Variants in UBAP2 observed in about 807,000 individuals in gnomAD.
UBAP2 encodes the protein ubiquitin-associated protein 2.
In UBAP2, 75 loss-of-function variants were observed where a neutral mutation model predicts 139.6. The ratio of observed to expected loss-of-function variants is 0.54; its 90% CI spans 0.45 to 0.65. The LOEUF (loss-of-function observed/expected upper bound fraction) is 0.65. Ranked by LOEUF, UBAP2 falls within the 30% of genes least tolerant of loss-of-function variation. UBAP2 has a pLI of 0.00. For synonymous variants in UBAP2, 526 were observed against 526.2 expected (o/e 1.00, Z 0.01); for missense variants, 1,368 against 1,369.6 (o/e 1.00, Z 0.02).
intron 1 of UBAP2, among the ~76,000 whole-genome samples, chr9:34,039,819 G>A: frequency 1.1e-5 from 1 of 89,030 alleles, no homozygotes; most frequent in East Asian, 4.1e-4. Context: ...CCCTCTGCGA[G>A]AAACACCCAA....
intron 17 of UBAP2, chr9:33,935,200 A>G (rs2130896531): frequency 6.8e-6 from 1 of 146,694 alleles, no homozygotes; most frequent in East Asian, 2.0e-4. Flanking sequence ...AAATGTCCAC[A>G]GTGAACATTT....
intron 12 of UBAP2, among the ~76,000 whole-genome samples, chr9:33,950,477 G>A (rs745871995): frequency 1.1e-4 from 17 of 152,234 alleles, no homozygotes; most frequent in Non-Finnish European, 2.1e-4. Flanking sequence ...GACAAGGAAT[G>A]TCCCACTTGG....
In UBAP2 at chr9:34,017,029, AAG is replaced by A; in HGVS notation, c.99+19_99+20del. On this transcript the variant is annotated intron_variant, in intron 2 of 28. Coordinates refer to ENST00000379238, the MANE Select transcript of UBAP2 (RefSeq NM_001370062.2). ...AAAGAAAAAAAAGGAAAAAAAAAAA[AAG>A]AGTTCCACAAAAACTTACCTGTACC... The A allele has an allele frequency of 1.3e-6, 2 of 1,548,522 alleles. No homozygotes were observed. The highest frequency in any genetic ancestry group is 1.4e-5 in the African/African-American group (1 of 71,620).
intron 1 of UBAP2, among the ~76,000 whole-genome samples, chr9:34,036,011 T>C (rs563561064): frequency 5.6e-4 from 85 of 152,030 alleles, no homozygotes; most frequent in Middle Eastern, 3.4e-3. Context: ...TCAAACAAAA[T>C]AGAACAAAGC....
intron 2 of UBAP2, among the ~76,000 whole-genome samples, chr9:34,002,079 C>G (rs1050635791): frequency 2.5e-4 from 38 of 152,184 alleles, no homozygotes; most frequent in Middle Eastern, 3.4e-3. Flanking sequence ...ACCTCAGCCT[C>G]CTGAGTAGCA....
chr9:34,003,783 C>T (rs1237948335), intron 2 of UBAP2, among the ~76,000 whole-genome samples: 2 of 151,646 alleles, frequency 1.3e-5, no homozygotes, highest in Non-Finnish European at 2.9e-5. Context: ...TGCAGTGGTG[C>T]GATCTTGGCT....
chr9:33,986,806 A>C lies in UBAP2; in HGVS notation c.474T>G (p.Asn158Lys). The C allele has an allele frequency of 6.2e-7, 1 of 1,614,132 alleles. No individual in the cohort carries two copies. The highest frequency in any genetic ancestry group is 8.5e-7 in the Non-Finnish European group (1 of 1,180,020). ...FRGEENGIDCNQVDKPSDRGK... is the reference protein window; with the variant it reads ...FRGEENGIDCKQVDKPSDRGK... ...CACGATCTGAAGGTTTGTCCACTTG[A>C]TTGCAATCAATTCCATTTTCTTCAC... is the stretch of plus-strand genomic sequence containing the variant. Residue 158 changes from asparagine to lysine, a missense_variant, in exon 6 of 29, where the codon AAT (asparagine) becomes AAG (lysine). Transcript: ENST00000379238.
intron 9 of UBAP2, 146 bp from the exon 10 acceptor site, chr9:33,961,024 T>G (rs1032233968): frequency 1.4e-6 from 1 of 711,918 alleles, no homozygotes; most frequent in Non-Finnish European, 2.4e-6. Context: ...AAACATGACG[T>G]TCTTAATCTA....
intron 8 of UBAP2, 27 bp from the exon 9 acceptor site, chr9:33,963,818 T>TAA: frequency 6.5e-7 from 1 of 1,539,344 alleles, no homozygotes; most frequent in Non-Finnish European, 9.0e-7. Context: ...AATTGAGGGT[T>TAA]TAAACATATG....
chr9:34,046,810 A>C (rs7019833), intron 1 of UBAP2, among the ~76,000 whole-genome samples: 103,525 of 152,012 alleles, frequency 0.68, 35,886 homozygotes, highest in East Asian at 0.82. Context: ...CTATTAGTCT[A>C]CATGTTCTCA....
intron 1 of UBAP2, among the ~76,000 whole-genome samples, chr9:34,018,780 G>A (rs933693653): frequency 1.6e-4 from 24 of 151,962 alleles, no homozygotes; most frequent in African/African-American, 4.4e-4. Flanking sequence ...GGAGAATGGC[G>A]TGAACCCGGG....
At chr9:34,026,625 T>A (rs1176372713) in intron 1 of UBAP2, among the ~76,000 whole-genome samples, 1 of 152,160 alleles carries the variant, frequency 6.6e-6, no homozygotes, top group East Asian at 1.9e-4. Context: ...ATGACAATAC[T>A]AGCAGAAAGC....
Position 33,922,610 on chromosome 9 carries a change from G to C in UBAP2, c.3265-11C>G. 1.2e-6 allele frequency: 2 copies of C among 1,611,368 alleles called. No homozygotes were observed. The highest frequency in any genetic ancestry group is 1.7e-6 in the Non-Finnish European group (2 of 1,178,462). On this transcript the variant is annotated splice_polypyrimidine_tract_variant and intron_variant, in intron 28 of 28. Transcript: ENST00000379238. ...CTGACCCGAGCCACTCTGAGGAAGAGGAGAAGGGAAGGCTGTCAAGGCTGG... is the reference window on the plus strand; with the variant it reads ...CTGACCCGAGCCACTCTGAGGAAGACGAGAAGGGAAGGCTGTCAAGGCTGG...
intron 13 of UBAP2, among the ~76,000 whole-genome samples, chr9:33,945,267 G>C (rs1267873527): frequency 6.6e-6 from 1 of 152,150 alleles, no homozygotes; most frequent in Non-Finnish European, 1.5e-5. Context: ...GGGAGGCCGA[G>C]GCAGGCAGAT....
intron 1 of UBAP2, among the ~76,000 whole-genome samples, chr9:34,036,982 ATTTTTTTTTT>A (rs141751803): frequency 7.0e-5 from 4 of 57,432 alleles, no homozygotes; most frequent in South Asian, 6.5e-4. Flanking sequence ...ACACCCAGCT[ATTTTTTTTTT>A]TTTTTTTTTT....
At chr9:33,944,808 C>A (rs1825530226) in intron 13 of UBAP2, among the ~76,000 whole-genome samples, 169 bp from the exon 14 acceptor site, 1 of 152,088 alleles carries the variant, frequency 6.6e-6, no homozygotes, top group Non-Finnish European at 1.5e-5. Context: ...GGGAAAAGTT[C>A]CTAAATGGGT....
chr9:34,048,554 C>T (rs1246778626), intron 1 of UBAP2, among the ~76,000 whole-genome samples: 2 of 152,114 alleles, frequency 1.3e-5, no homozygotes, highest in Non-Finnish European at 2.9e-5. Context: ...GGAGGCACCC[C>T]TGGGGCTGGG....
intron 22 of UBAP2, 73 bp from the exon 23 acceptor site, chr9:33,924,357 G>A: frequency 6.9e-7 from 1 of 1,459,132 alleles, no homozygotes; most frequent in Non-Finnish European, 9.6e-7. Context: ...CCAGCACATG[G>A]AAGTGGTGAC....
At chr9:34,017,387 C>T (rs1225304385) in intron 1 of UBAP2, among the ~76,000 whole-genome samples, 198 bp from the exon 2 acceptor site, 1 of 152,160 alleles carries the variant, frequency 6.6e-6, no homozygotes, top group Non-Finnish European at 1.5e-5. Context: ...CTATGGTTTA[C>T]GAGCTTAGCA....
Sources: allele counts gnomAD v4.1 joint callset (sites outside exome capture counted in the v4.1 genomes callset), GRCh38; gene constraint gnomAD v4.1.1; transcripts MANE v1.5; gene names NCBI Gene and HGNC (gene_info 2026-07-23, HGNC 2026-07-21).